Variants in PKP1 observed in about 807,000 individuals in gnomAD.
The protein encoded by PKP1 is plakophilin 1.
PKP1 carries 27 observed loss-of-function variants against 76.4 expected under a neutral mutation model. The observed-to-expected ratio is 0.35, with a 90% CI of 0.26 to 0.49. The LOEUF (loss-of-function observed/expected upper bound fraction) is 0.49. Among genes scored for constraint, PKP1 ranks in the 20% least tolerant of loss-of-function variants. PKP1 has a pLI of 0.99. For synonymous variants in PKP1, 404 were observed against 384.2 expected, an observed-to-expected ratio of 1.05 and a Z score of -0.60; for missense variants, 964 against 955.2, an observed-to-expected ratio of 1.01 and a Z score of -0.12.
At chr1:201,294,130 G>T in intron 2 of PKP1, 85 bp downstream of exon 2, 1 of 877,090 alleles carries the variant, frequency 1.1e-6, no homozygotes, top group Non-Finnish European at 1.9e-6. Flanking sequence ...GGCACCAGTT[G>T]CTAAAAAGAG....
At chr1:201,288,245 A>G (rs16848229) in intron 1 of PKP1, among the ~76,000 whole-genome samples, 26,124 of 152,118 alleles carry the variant, frequency 0.17, 3,905 homozygotes, top group African/African-American at 0.41. Context: ...AATAGATTTT[A>G]TAACTCTCTA....
At chr1:201,322,451 T>C (rs994148194) in intron 8 of PKP1, among the ~76,000 whole-genome samples, 7 of 152,212 alleles carry the variant, frequency 4.6e-5, no homozygotes, top group Non-Finnish European at 8.8e-5. Flanking sequence ...ATCTTCTCCC[T>C]TGCCCTTGAG....
chr1:201,305,790 G>T (rs141172647), intron 2 of PKP1, among the ~76,000 whole-genome samples: 1 of 152,312 alleles, frequency 6.6e-6, no homozygotes, highest in East Asian at 1.9e-4. Context: ...CTCTTCTGAG[G>T]TGCTGGCTCG....
intron 3 of PKP1, among the ~76,000 whole-genome samples, chr1:201,315,738 C>T (rs1656701543): frequency 6.6e-6 from 1 of 152,192 alleles, no homozygotes; most frequent in Non-Finnish European, 1.5e-5. Context: ...ATGATTCAAC[C>T]TAATACCTGC....
At chr1:201,312,941 G>T (rs780104997) in intron 2 of PKP1, among the ~76,000 whole-genome samples, 1 of 152,140 alleles carries the variant, frequency 6.6e-6, no homozygotes, top group Non-Finnish European at 1.5e-5. Context: ...TTTTAAAAAT[G>T]ATGGCCATAG....
chr1:201,293,056 A>G (rs2268153), intron 1 of PKP1, among the ~76,000 whole-genome samples: 95,333 of 152,034 alleles, frequency 0.63, 30,055 homozygotes, highest in East Asian at 0.77. Flanking sequence ...GGTAGTGGCC[A>G]AGGAGGGAAG....
Position 201,316,615 on chromosome 1 carries a change from G to C in PKP1, c.764G>C (p.Ser255Thr), listed in dbSNP as rs1170766058. ...LTIPKAVQYL[S>T]SQDEKYQAIG... ...ATCCCCAAGGCTGTGCAGTACCTGAGCTCCCAGGATGAGAAGTACCAGGCC... is the reference window on the plus strand; with the variant it reads ...ATCCCCAAGGCTGTGCAGTACCTGACCTCCCAGGATGAGAAGTACCAGGCC... The change falls in exon 4 of 14, where the codon AGC (serine) becomes ACC (threonine). Residue 255 changes from serine to threonine, a missense_variant. Transcript: ENST00000367324. 6.2e-7 allele frequency: 1 copy of C among 1,613,056 alleles called. No homozygotes were observed.
intron 12 of PKP1, among the ~76,000 whole-genome samples, chr1:201,327,014 T>C (rs1657145230): frequency 6.6e-6 from 1 of 152,172 alleles, no homozygotes; most frequent in Non-Finnish European, 1.5e-5. Flanking sequence ...CTGGATCCGG[T>C]GCTTCGGAAG....
chr1:201,291,955 T>C (rs1446561403), intron 1 of PKP1, among the ~76,000 whole-genome samples: 1 of 152,124 alleles, frequency 6.6e-6, no homozygotes, highest in Admixed American at 6.5e-5. Context: ...AGAGGAGCGG[T>C]TGCTGGAGAA....
chr1:201,287,622 G>A (rs1655778838), intron 1 of PKP1, among the ~76,000 whole-genome samples: 2 of 152,210 alleles, frequency 1.3e-5, no homozygotes. Flanking sequence ...GCTTGAAGTT[G>A]GAGTTTTAGC....
In PKP1 at chr1:201,313,158, C is replaced by T. The variant is rs767234338; in HGVS notation, c.307-8C>T. 1.2e-6 allele frequency: 2 copies of T among 1,609,482 alleles called. No homozygotes were observed. The highest frequency in any genetic ancestry group is 1.7e-5 in the Admixed American group (1 of 59,576). ...CTTGACTGAGCTTTTCTCCCTTTCC[C>T]TGGCCAGATCTACAATGGAACCCTC... On this transcript the variant is annotated splice_polypyrimidine_tract_variant and splice_region_variant and intron_variant, in intron 2 of 13. Transcript: ENST00000367324.
intron 12 of PKP1, among the ~76,000 whole-genome samples, chr1:201,327,996 G>A (rs1256757245): frequency 6.6e-6 from 1 of 152,154 alleles, no homozygotes; most frequent in African/African-American, 2.4e-5. Context: ...GGAGGGGCAG[G>A]GCTTCGAACC....
At chr1:201,329,368 A>C (rs1657240432) in intron 13 of PKP1, among the ~76,000 whole-genome samples, 1 of 152,182 alleles carries the variant, frequency 6.6e-6, no homozygotes, top group Non-Finnish European at 1.5e-5. Flanking sequence ...AGGCTTGCCA[A>C]CCTCAGTGTT....
intron 11 of PKP1, among the ~76,000 whole-genome samples, chr1:201,325,538 G>A (rs916415312): frequency 1.3e-5 from 2 of 152,096 alleles, no homozygotes; most frequent in African/African-American, 4.8e-5. Flanking sequence ...AGAGTCCTGG[G>A]GTGCTCTAGG....
At chr1:201,313,132 C>G (rs374992083) in intron 2 of PKP1, 34 bp from the exon 3 acceptor site, 6 of 1,605,700 alleles carry the variant, frequency 3.7e-6, no homozygotes, top group East Asian at 4.5e-5. Flanking sequence ...CATTTAGGAA[C>G]CTTGACTGAG....
chr1:201,313,066 G>A lies in PKP1; in HGVS notation c.307-100G>A, dbSNP rs896344605. The A allele has an allele frequency of 3.5e-5, 43 of 1,245,066 alleles. No homozygotes were observed. In the Middle Eastern group the frequency reaches 9.2e-4, roughly 27 times the overall value. The allele number at this position is 1,245,066 out of a possible 1,614,324, so 77.1% of individuals were successfully genotyped here. On this transcript the variant is annotated intron_variant, in intron 2 of 13. Coordinates refer to ENST00000367324, the MANE Select transcript of PKP1 (RefSeq NM_001005337.3). ...CCAAACATTCTGGGATTCTGTAAGC[G>A]TTATTATGGGGGCTGGGGAGGGCTG...
intron 2 of PKP1, among the ~76,000 whole-genome samples, chr1:201,312,745 C>A (rs545679562): frequency 6.6e-6 from 1 of 152,278 alleles, no homozygotes; most frequent in South Asian, 2.1e-4. Context: ...GTGCATACAC[C>A]TTTCCTGGGC....
intron 2 of PKP1, among the ~76,000 whole-genome samples, chr1:201,311,780 A>G (rs1260545869): frequency 6.6e-6 from 1 of 152,234 alleles, no homozygotes; most frequent in Non-Finnish European, 1.5e-5. Flanking sequence ...GTGAGTCCCA[A>G]GTCAGCACCT....
chr1:201,315,050 A>G (rs1656683045), intron 3 of PKP1, among the ~76,000 whole-genome samples: 1 of 152,234 alleles, frequency 6.6e-6, no homozygotes, highest in Non-Finnish European at 1.5e-5. Flanking sequence ...CCCGTTATAG[A>G]GCTAGACGTT....
Sources: gnomAD v4.1 joint callset for allele counts (sites outside exome capture counted in the v4.1 genomes callset) on GRCh38, gnomAD v4.1.1 for gene constraint, MANE v1.5 for transcripts, NCBI Gene and HGNC (gene_info 2026-07-23, HGNC 2026-07-21) for gene names.